Variants in CFAP299 observed in about 807,000 individuals in gnomAD.
The protein encoded by CFAP299 is cilia- and flagella-associated protein 299.
A neutral mutation model predicts 27.0 loss-of-function variants in CFAP299; 21 were observed. The observed-to-expected ratio is 0.78, with a 90% CI of 0.55 to 1.12. The LOEUF (loss-of-function observed/expected upper bound fraction) is 1.12. Ranked by LOEUF, CFAP299 falls within the 50% of genes most tolerant of loss-of-function variation. CFAP299 has a pLI of 0.00. For missense variants in CFAP299, 310 were observed against 276.6 expected (o/e 1.12, Z -0.86); for synonymous variants, 104 against 98.1 (o/e 1.06, Z -0.36).
chr4:80,691,856 C>A (rs1188130854), intron 3 of CFAP299, among the ~76,000 whole-genome samples: 1 of 152,162 alleles, frequency 6.6e-6, no homozygotes, highest in Admixed American at 6.5e-5. Flanking sequence ...TCTCAGGATA[C>A]AAAATCAATG....
At chr4:80,858,990 G>A (rs1161445553) in intron 3 of CFAP299, among the ~76,000 whole-genome samples, 1 of 152,140 alleles carries the variant, frequency 6.6e-6, no homozygotes, top group Non-Finnish European at 1.5e-5. Context: ...TTGTTGATCT[G>A]TCTAATGTTG....
chr4:80,838,728 A>T (rs1304337104), intron 3 of CFAP299, among the ~76,000 whole-genome samples: 2 of 151,832 alleles, frequency 1.3e-5, no homozygotes. Context: ...TTTGCTTAGG[A>T]TTGTTTTGGC....
At chr4:80,589,481 T>C (rs574242918) in intron 3 of CFAP299, among the ~76,000 whole-genome samples, 1 of 152,334 alleles carries the variant, frequency 6.6e-6, no homozygotes, top group Non-Finnish European at 1.5e-5. Flanking sequence ...TCTGATTTCA[T>C]TAATACTAAA....
At chr4:80,581,303 C>T (rs573082972) in intron 2 of CFAP299, among the ~76,000 whole-genome samples, 7 of 151,014 alleles carry the variant, frequency 4.6e-5, no homozygotes, top group Non-Finnish European at 7.4e-5. Context: ...TAGTACATAT[C>T]GTAACATGGA....
intron 2 of CFAP299, among the ~76,000 whole-genome samples, chr4:80,465,449 G>T (rs566246906): frequency 2.6e-5 from 4 of 152,188 alleles, no homozygotes; most frequent in African/African-American, 7.2e-5. Flanking sequence ...GTTGCAGAGG[G>T]TTATAGAGGC....
intron 4 of CFAP299, among the ~76,000 whole-genome samples, chr4:80,904,348 G>A (rs188712775): frequency 1.3e-4 from 20 of 152,236 alleles, no homozygotes; most frequent in African/African-American, 2.9e-4. Context: ...AAGTCAATGC[G>A]TGAGGCTTCC....
intron 3 of CFAP299, among the ~76,000 whole-genome samples, chr4:80,849,057 C>T (rs889525168): frequency 3.9e-5 from 6 of 152,088 alleles, no homozygotes; most frequent in Non-Finnish European, 5.9e-5. Flanking sequence ...TATGAAATTT[C>T]AAATTTTTAA....
At chr4:80,950,038 CA>C (rs1452541860) in intron 5 of CFAP299, among the ~76,000 whole-genome samples, 4 of 152,082 alleles carry the variant, frequency 2.6e-5, no homozygotes, top group African/African-American at 9.7e-5. Flanking sequence ...TTCAATATTG[CA>C]ACTACCAGAT....
chr4:80,815,616 A>G (rs1336378500), intron 3 of CFAP299, among the ~76,000 whole-genome samples: 1 of 152,062 alleles, frequency 6.6e-6, no homozygotes, highest in African/African-American at 2.4e-5. Context: ...ATTACCAATC[A>G]CAAAAAATAT....
intron 3 of CFAP299, among the ~76,000 whole-genome samples, chr4:80,597,672 A>G (rs974045400): frequency 6.6e-6 from 1 of 151,956 alleles, no homozygotes; most frequent in Non-Finnish European, 1.5e-5. Flanking sequence ...TTACACTTAG[A>G]TGTATATTTT....
At chr4:80,554,353 T>C (rs148762106) in intron 2 of CFAP299, among the ~76,000 whole-genome samples, 1,891 of 152,220 alleles carry the variant, frequency 0.012, 38 homozygotes, top group African/African-American at 0.043. Flanking sequence ...TTTATGTGCC[T>C]GTTTTTTCTA....
At chr4:80,535,561 T>G (rs1473451381) in intron 2 of CFAP299, among the ~76,000 whole-genome samples, 1 of 151,312 alleles carries the variant, frequency 6.6e-6, no homozygotes. Context: ...TAGCCATGTT[T>G]CTGGATGGAT....
intron 1 of CFAP299, among the ~76,000 whole-genome samples, chr4:80,341,327 A>C (rs2109969285): frequency 6.6e-6 from 1 of 152,272 alleles, no homozygotes; most frequent in African/African-American, 2.4e-5. Flanking sequence ...CACCTGCTCT[A>C]CCAAAAAGCA....
At chr4:80,940,153 G>T (rs1737120197) in intron 4 of CFAP299, among the ~76,000 whole-genome samples, 1 of 152,078 alleles carries the variant, frequency 6.6e-6, no homozygotes, top group Non-Finnish European at 1.5e-5. Flanking sequence ...TCACGGGTGG[G>T]CCTCTTGGTG....
At chr4:80,482,836 A>G (rs1173247004) in intron 2 of CFAP299, among the ~76,000 whole-genome samples, 2 of 152,198 alleles carry the variant, frequency 1.3e-5, no homozygotes, top group Non-Finnish European at 2.9e-5. Context: ...AGTGAATTAT[A>G]ATGTTACCTC....
At chr4:80,576,026 G>A (rs1222194350) in intron 2 of CFAP299, among the ~76,000 whole-genome samples, 1 of 151,824 alleles carries the variant, frequency 6.6e-6, no homozygotes, top group Non-Finnish European at 1.5e-5. Flanking sequence ...CACAAACCGG[G>A]GCCTGTTGTG....
chr4:80,931,639 C>A (rs980064038), intron 4 of CFAP299, among the ~76,000 whole-genome samples: 5 of 151,976 alleles, frequency 3.3e-5, no homozygotes, highest in Non-Finnish European at 7.4e-5. Flanking sequence ...GGCTCAGGAA[C>A]CCAAAAAGAC....
Position 80,672,659 on chromosome 4 carries a change from T to C in CFAP299, c.333+89476T>C, listed in dbSNP as rs1001424657. Among the ~76,000 whole-genome samples, 9 of 152,328 alleles carry C rather than the reference T, an allele frequency of 5.9e-5. No individual in the cohort carries two copies. The South Asian group carries it at 8.3e-4, about 14-fold the overall frequency. On this transcript the variant is annotated intron_variant, in intron 3 of 5. Coordinates refer to ENST00000358105, the MANE Select transcript of CFAP299 (RefSeq NM_152770.3). ...TGGAATTTTTTTGTTGGTTGGCTAT[T>C]AATTATTGCCTCAATTTCAGAGCCT...
chr4:80,700,349 A>G (rs560832550), intron 3 of CFAP299, among the ~76,000 whole-genome samples: 30 of 152,276 alleles, frequency 2.0e-4, no homozygotes, highest in African/African-American at 7.2e-4. Flanking sequence ...ATAAACATTT[A>G]GTAAGTTTTA....
Sources: allele counts gnomAD v4.1 joint callset (sites outside exome capture counted in the v4.1 genomes callset), GRCh38; gene constraint gnomAD v4.1.1; transcripts MANE v1.5; gene names NCBI Gene and HGNC (gene_info 2026-07-23, HGNC 2026-07-21).